The following LSAMP variants were observed in gnomAD, a reference collection of about 807,000 sequenced individuals.
LSAMP encodes limbic system-associated membrane protein.
A neutral mutation model predicts 38.6 loss-of-function variants in LSAMP; 7 were observed. That is an observed-to-expected ratio of 0.18 (90% CI 0.10 to 0.34). The LOEUF (loss-of-function observed/expected upper bound fraction) is 0.34. Ranked by LOEUF, LSAMP falls within the 10% of genes least tolerant of loss-of-function variation. The pLI is 1.00. For missense variants in LSAMP, 313 were observed against 420.0 expected (o/e 0.75, Z 2.23); for synonymous variants, 154 against 166.8 (o/e 0.92, Z 0.59).
At chr3:116,225,233 T>G (rs2046329750) in intron 1 of LSAMP, among the ~76,000 whole-genome samples, 1 of 152,044 alleles carries the variant, frequency 6.6e-6, no homozygotes, top group African/African-American at 2.4e-5. Context: ...GGTTTTAGGG[T>G]GGTTCCTAAA....
intron 2 of LSAMP, among the ~76,000 whole-genome samples, chr3:116,036,087 T>C (rs529310778): frequency 1.1e-4 from 17 of 152,298 alleles, no homozygotes; most frequent in Middle Eastern, 3.4e-3. Context: ...AAATAAGTCA[T>C]GAGAACTCAG....
At chr3:116,152,293 A>G (rs1394091861) in intron 1 of LSAMP, among the ~76,000 whole-genome samples, 1 of 152,132 alleles carries the variant, frequency 6.6e-6, no homozygotes, top group Non-Finnish European at 1.5e-5. Flanking sequence ...TTCCACGTAC[A>G]AACGCATTCA....
intron 1 of LSAMP, among the ~76,000 whole-genome samples, chr3:116,246,801 C>T (rs9874470): frequency 0.55 from 83,508 of 151,960 alleles, 27,484 homozygotes; most frequent in South Asian, 0.78. Flanking sequence ...GGGCTAGCAG[C>T]CCTAGAAATT....
intron 1 of LSAMP, among the ~76,000 whole-genome samples, chr3:116,365,667 G>A: frequency 1.7e-5 from 1 of 59,206 alleles, no homozygotes; most frequent in Non-Finnish European, 2.8e-5. Context: ...TATACACCAT[G>A]GAATACTATG....
At chr3:116,266,172 A>T (rs185224873) in intron 1 of LSAMP, among the ~76,000 whole-genome samples, 4 of 152,278 alleles carry the variant, frequency 2.6e-5, no homozygotes, top group Admixed American at 1.3e-4. Flanking sequence ...TCTTCCCCAC[A>T]CAAGGGGAAA....
At chr3:116,018,313 G>A (rs913566720) in intron 3 of LSAMP, among the ~76,000 whole-genome samples, 6 of 152,218 alleles carry the variant, frequency 3.9e-5, no homozygotes, top group Middle Eastern at 3.4e-3. Context: ...ACATCAAAGA[G>A]AGGACCCATC....
At chr3:116,182,653 G>A (rs75056138) in intron 1 of LSAMP, among the ~76,000 whole-genome samples, 8,705 of 151,676 alleles carry the variant, frequency 0.057, 277 homozygotes, top group African/African-American at 0.094. Context: ...TAAACAGAAT[G>A]GAGAAAAGGC....
intron 1 of LSAMP, among the ~76,000 whole-genome samples, chr3:116,310,968 A>G (rs13084538): frequency 0.058 from 8,759 of 151,108 alleles, 314 homozygotes; most frequent in Middle Eastern, 0.11. Flanking sequence ...TAACTAGATT[A>G]CCAGACTAGG....
At chr3:116,202,346 C>T (rs1048576671) in intron 1 of LSAMP, among the ~76,000 whole-genome samples, 11 of 152,130 alleles carry the variant, frequency 7.2e-5, no homozygotes, top group Non-Finnish European at 1.5e-4. Flanking sequence ...GTTGGCCAGG[C>T]TAATCTTGAA....
rs1199690379 is a variant in LSAMP at position 115,803,636 on chromosome 3, C to T, written c.*6681G>A. Reference sequence around the variant, plus strand: ...TTTTGTTTTATTTTCAGCTTGTCTTCTTTAAATAGAATTGACTTGTACTTT... The same window carrying T: ...TTTTGTTTTATTTTCAGCTTGTCTTTTTTAAATAGAATTGACTTGTACTTT... On this transcript the variant is annotated 3_prime_UTR_variant, in exon 7 of 7. Transcript: ENST00000490035. 2 of 152,122 alleles carry T rather than the reference C, an allele frequency of 1.3e-5. No homozygotes were observed. Among genetic ancestry groups the T allele is most frequent in the African/African-American group, 4.8e-5 (2 of 41,438 alleles). 9.4% of individuals were successfully genotyped at this position (152,122 alleles called of 1,614,324 possible). A position where few individuals can be genotyped will look rare whatever the true frequency, so the allele number is the denominator to read the frequency against.
chr3:116,329,960 C>T (rs2047826576), intron 1 of LSAMP, among the ~76,000 whole-genome samples: 1 of 152,116 alleles, frequency 6.6e-6, no homozygotes. Flanking sequence ...TGGCATATAT[C>T]AGTTACCAAA....
chr3:115,863,805 C>T (rs1935781158), intron 3 of LSAMP, among the ~76,000 whole-genome samples: 1 of 151,806 alleles, frequency 6.6e-6, no homozygotes, highest in African/African-American at 2.4e-5. Flanking sequence ...GAAAGACATA[C>T]CTATTCTTCT....
intron 6 of LSAMP, among the ~76,000 whole-genome samples, chr3:115,827,586 G>T (rs1934464091): frequency 6.6e-6 from 1 of 152,156 alleles, no homozygotes; most frequent in Non-Finnish European, 1.5e-5. Context: ...GATGTGGGAA[G>T]CATTTTCTTT....
chr3:116,393,391 T>G (rs1382399703), intron 1 of LSAMP, among the ~76,000 whole-genome samples: 1 of 152,156 alleles, frequency 6.6e-6, no homozygotes, highest in South Asian at 2.1e-4. Flanking sequence ...AGAGAACCAG[T>G]GCCCGTTATG....
intron 2 of LSAMP, 46 bp downstream of exon 2, chr3:116,086,278 A>G (rs1287882565): frequency 4.3e-6 from 6 of 1,410,968 alleles, no homozygotes; most frequent in Non-Finnish European, 6.0e-6. Context: ...TTATTCTGCA[A>G]CTCCCACCTC....
Position 116,405,648 on chromosome 3 carries a change from G to A in LSAMP, c.155+39229C>T, listed in dbSNP as rs2048889120. On this transcript the variant is annotated intron_variant, in intron 1 of 6. Coordinates refer to ENST00000490035, the MANE Select transcript of LSAMP (RefSeq NM_002338.5). ...GCACTAAGTTATAAAATAAGAAAAA[G>A]GAAAGAAAAATAAGAAAGAGGAGAA... Among the ~76,000 whole-genome samples the A allele has an allele frequency of 2.0e-5, 3 of 152,080 alleles. No individual in the cohort carries two copies. In the East Asian group the frequency reaches 5.8e-4, roughly 29 times the overall value.
At chr3:116,149,879 C>A (rs1371053142) in intron 1 of LSAMP, among the ~76,000 whole-genome samples, 1 of 151,986 alleles carries the variant, frequency 6.6e-6, no homozygotes, top group Non-Finnish European at 1.5e-5. Flanking sequence ...TATATGAACA[C>A]CCCTTGTATA....
chr3:116,208,604 A>C (rs2046103801), intron 1 of LSAMP, among the ~76,000 whole-genome samples: 1 of 152,082 alleles, frequency 6.6e-6, no homozygotes, highest in Admixed American at 6.5e-5. Context: ...TCTATTTGTT[A>C]GTTTTCCTTC....
intron 1 of LSAMP, among the ~76,000 whole-genome samples, chr3:116,299,576 A>G (rs2047380302): frequency 2.0e-5 from 3 of 152,244 alleles, no homozygotes; most frequent in African/African-American, 7.2e-5. Flanking sequence ...TTCTACGTAC[A>G]GAAGTTTCTG....
Sources: gnomAD v4.1 joint callset for allele counts (sites outside exome capture counted in the v4.1 genomes callset) on GRCh38, gnomAD v4.1.1 for gene constraint, MANE v1.5 for transcripts, NCBI Gene and HGNC (gene_info 2026-07-23, HGNC 2026-07-21) for gene names.